Variants in LINGO1 observed in about 807,000 individuals in gnomAD.
LINGO1 encodes the protein leucine-rich repeat and immunoglobulin-like domain-containing nogo receptor-interacting protein 1.
A neutral mutation model predicts 37.3 loss-of-function variants in LINGO1; 11 were observed. That is an observed-to-expected ratio of 0.29 (90% CI 0.19 to 0.49). The LOEUF is 0.49. LINGO1 is among the 20% of genes least tolerant of loss of function. The pLI, the probability that LINGO1 is intolerant of heterozygous loss-of-function variation, is 0.99. For missense variants in LINGO1, 585 were observed against 878.2 expected (o/e 0.67, Z 4.22); for synonymous variants, 387 against 403.0 (o/e 0.96, Z 0.48).
chr15:77,645,663 GC>G (rs1202910127), intron 3 of LINGO1, among the ~76,000 whole-genome samples: 1 of 152,218 alleles, frequency 6.6e-6, no homozygotes, highest in Non-Finnish European at 1.5e-5. Flanking sequence ...TCAGTTCTGA[GC>G]CTGCCCGCAC....
intron 1 of LINGO1, among the ~76,000 whole-genome samples, chr15:77,747,228 C>T (rs2076323084): frequency 6.6e-6 from 1 of 152,366 alleles, no homozygotes; most frequent in Admixed American, 6.5e-5. Context: ...ATCTCCTCCT[C>T]CTCCTCTCCC....
At chr15:77,784,243 C>G (rs1265404891) in intron 1 of LINGO1, among the ~76,000 whole-genome samples, 6 of 152,344 alleles carry the variant, frequency 3.9e-5, no homozygotes, top group African/African-American at 1.4e-4. Context: ...CCTTCCCCAC[C>G]CTAGCCAAAG....
At chr15:77,789,309 A>G (rs1379783610), upstream of LINGO1, among the ~76,000 whole-genome samples, 2 of 152,244 alleles carry the variant, frequency 1.3e-5, no homozygotes, top group African/African-American at 4.8e-5. Flanking sequence ...TATTGTGCCC[A>G]TAAGAAGGAG....
At chr15:77,631,009 C>A (rs574898242) in intron 1 of LINGO1, among the ~76,000 whole-genome samples, 2 of 152,332 alleles carry the variant, frequency 1.3e-5, no homozygotes, top group South Asian at 4.1e-4. Flanking sequence ...TCCTCCCTGG[C>A]TTATACAAGG....
intron 2 of LINGO1, among the ~76,000 whole-genome samples, chr15:77,719,163 G>A (rs540212755): frequency 6.7e-6 from 1 of 149,782 alleles, no homozygotes; most frequent in South Asian, 2.2e-4. Flanking sequence ...CACCTCCTGG[G>A]ACGTCCTCCT....
rs1017189165 is a variant in LINGO1 at position 77,658,843 on chromosome 15, G to A, written c.-13+18246C>T. Among the ~76,000 whole-genome samples the A allele has an allele frequency of 3.9e-5, 6 of 152,204 alleles. 1 individual carries two copies. The highest frequency in any genetic ancestry group is 7.3e-5 in the Non-Finnish European group (5 of 68,042). On this transcript the variant is annotated intron_variant, in intron 3 of 3. Transcript: ENST00000559893. ...GGCAACAGAGGAGCTAAGACTGAGC[G>A]AGGACGGAGTGGGAGAGGAGCAGGG... is the stretch of plus-strand genomic sequence containing the variant.
chr15:77,680,553 G>C (rs1026306285), intron 2 of LINGO1, among the ~76,000 whole-genome samples: 3 of 152,144 alleles, frequency 2.0e-5, no homozygotes, highest in African/African-American at 4.8e-5. Context: ...ACGAGGAAAA[G>C]GGGGAGCTTC....
intron 1 of LINGO1, among the ~76,000 whole-genome samples, chr15:77,773,804 T>C (rs570751140): frequency 3.8e-4 from 57 of 151,746 alleles, no homozygotes; most frequent in Non-Finnish European, 7.1e-4. Flanking sequence ...GCCCTCAGCC[T>C]GGGGACCTTC....
Position 77,705,094 on chromosome 15 carries a change from T to C in LINGO1, c.-194-14193A>G, listed in dbSNP as rs543893744. 2.1e-4 allele frequency among the ~76,000 whole-genome samples: 32 copies of C among 151,316 alleles called. No homozygotes were observed. In the South Asian group the frequency reaches 4.6e-3, roughly 22 times the overall value. Reference sequence around the variant, plus strand: ...CGGGGAACCTGTGGGCCCATCCTTCTTGTTCCCAGTCCACACCCTCCCCAC... The same window carrying C: ...CGGGGAACCTGTGGGCCCATCCTTCCTGTTCCCAGTCCACACCCTCCCCAC... On this transcript the variant is annotated intron_variant, in intron 2 of 3. Coordinates refer to the LINGO1 transcript ENST00000561686.
chr15:77,713,088 A>G (rs4886900), intron 2 of LINGO1, among the ~76,000 whole-genome samples: 75,356 of 151,470 alleles, frequency 0.5, 18,867 homozygotes, highest in Admixed American at 0.6. Context: ...TGTCACCCAG[A>G]CTGGAGTGCA....
chr15:77,614,749 C>T lies in LINGO1; in HGVS notation c.1158G>A (p.Arg386=). 6.2e-7 allele frequency: 1 copy of T among 1,605,928 alleles called. No homozygotes were observed. Among genetic ancestry groups the T allele is most frequent in the Non-Finnish European group, 8.5e-7 (1 of 1,176,398 alleles). The change falls in exon 2 of 2, where the codon CGG becomes CGA. Residue 386 remains arginine, a synonymous_variant. Coordinates refer to ENST00000355300, the MANE Select transcript of LINGO1 (RefSeq NM_032808.7). The part of the protein sequence containing the change: ...RLLWVFRRRW[R]LNFNRQQPTC... Reference sequence around the variant, plus strand: ...TGGGCTGCTGCCGGTTGAAGTTGAGCCGCCAGCGGCGCCGGAACACCCACA... The same window carrying T: ...TGGGCTGCTGCCGGTTGAAGTTGAGTCGCCAGCGGCGCCGGAACACCCACA...
chr15:77,671,086 C>T (rs1019143029), intron 3 of LINGO1, among the ~76,000 whole-genome samples: 3 of 152,226 alleles, frequency 2.0e-5, no homozygotes, highest in East Asian at 3.9e-4. Context: ...CCCGCAGGGC[C>T]CCTCCCCAGC....
intron 2 of LINGO1, among the ~76,000 whole-genome samples, chr15:77,685,205 C>A (rs989889175): frequency 1.1e-4 from 17 of 152,012 alleles, no homozygotes; most frequent in African/African-American, 4.1e-4. Flanking sequence ...GGAGGAGGAG[C>A]TGTGCCTCCA....
At chr15:77,771,650 CGAG>C (rs2076586764) in intron 1 of LINGO1, among the ~76,000 whole-genome samples, 1 of 152,186 alleles carries the variant, frequency 6.6e-6, no homozygotes, top group Admixed American at 6.5e-5. Context: ...TGGGCACACC[CGAG>C]GAGGAGGAGA....
intron 2 of LINGO1, among the ~76,000 whole-genome samples, chr15:77,703,589 T>C (rs2075812304): frequency 6.6e-6 from 1 of 152,134 alleles, no homozygotes; most frequent in Non-Finnish European, 1.5e-5. Flanking sequence ...GAAGAAATGC[T>C]TGTGGGGTGA....
chr15:77,739,635 T>C (rs1389627052), intron 1 of LINGO1, among the ~76,000 whole-genome samples: 2 of 152,214 alleles, frequency 1.3e-5, no homozygotes, highest in Admixed American at 6.5e-5. Context: ...CCCCTGCCAC[T>C]GTGACGGCTC....
At chr15:77,648,435 C>G (rs2141131487) in intron 3 of LINGO1, 1 of 153,678 alleles carries the variant, frequency 6.5e-6, no homozygotes, top group Admixed American at 6.5e-5. Context: ...ATGCCTTCCC[C>G]ACTCCCCAGC....
chr15:77,620,030 C>T (rs1413435572), intron 1 of LINGO1, among the ~76,000 whole-genome samples: 1 of 152,206 alleles, frequency 6.6e-6, no homozygotes, highest in Non-Finnish European at 1.5e-5. Flanking sequence ...CCCATGGGGT[C>T]CCTGTCATCT....
intron 1 of LINGO1, among the ~76,000 whole-genome samples, chr15:77,695,800 A>G (rs890697169): frequency 3.3e-5 from 5 of 152,146 alleles, no homozygotes; most frequent in Non-Finnish European, 2.9e-5. Flanking sequence ...GCCGGCTGGC[A>G]GCCCAGCACC....
Sources: allele counts gnomAD v4.1 joint callset (sites outside exome capture counted in the v4.1 genomes callset), GRCh38; gene constraint gnomAD v4.1.1; transcripts MANE v1.5; gene names NCBI Gene and HGNC (gene_info 2026-07-23, HGNC 2026-07-21).